ZC3H3: variants seen among roughly 807,000 people sequenced by gnomAD.
The protein encoded by ZC3H3 is zinc finger CCCH-type containing 3, also known as zinc finger CCCH domain-containing protein 3.
Under a neutral mutation model 77.3 loss-of-function variants are expected in ZC3H3, and 36 were observed. The observed-to-expected ratio is 0.47, with a 90% CI of 0.36 to 0.61. ZC3H3 has a LOEUF of 0.61. Ranked by LOEUF, ZC3H3 falls within the 20% of genes least tolerant of loss-of-function variation. ZC3H3 has a pLI of 0.00. For missense variants in ZC3H3, 1,331 were observed against 1,312.2 expected, an observed-to-expected ratio of 1.01 and a Z score of -0.22; for synonymous variants, 626 against 555.2, an observed-to-expected ratio of 1.13 and a Z score of -1.79.
intron 4 of ZC3H3, among the ~76,000 whole-genome samples, chr8:143,479,192 C>T (rs1586906634): frequency 6.6e-6 from 1 of 152,350 alleles, no homozygotes; most frequent in South Asian, 2.1e-4. Flanking sequence ...GGGTTGCCCT[C>T]ACCCCTGCCC....
chr8:143,491,655 T>G (rs2129968555), intron 4 of ZC3H3, among the ~76,000 whole-genome samples: 1 of 152,354 alleles, frequency 6.6e-6, no homozygotes, highest in East Asian at 1.9e-4. Context: ...CCCCCTGTCC[T>G]GGACTCACGG....
At chr8:143,502,586 A>C (rs1307189639) in intron 4 of ZC3H3, among the ~76,000 whole-genome samples, 2 of 152,260 alleles carry the variant, frequency 1.3e-5, no homozygotes, top group African/African-American at 4.8e-5. Context: ...CAGATGGAAA[A>C]GCCTCCGATT....
At position 143,494,848 on chromosome 8, in the gene ZC3H3, C is replaced by A. The variant is rs777761047; in HGVS notation, c.1715+12898G>T. ...CCAACGGGCAAACGGCCTGAGCAGA[C>A]CTTTCACACGGGAAGACCACCAGTG... On this transcript the variant is annotated intron_variant, in intron 4 of 11. Coordinates refer to ENST00000262577, the MANE Select transcript of ZC3H3 (RefSeq NM_015117.3). The surrounding 1 kb of genome is among the most constrained non-coding windows in gnomAD (Gnocchi z 5.3). 7.9e-5 allele frequency among the ~76,000 whole-genome samples: 12 copies of A among 152,210 alleles called. No homozygotes were observed. Among genetic ancestry groups the A allele is most frequent in the Non-Finnish European group, 1.2e-4 (8 of 68,040 alleles).
At chr8:143,454,853 T>C (rs1820073609) in intron 9 of ZC3H3, among the ~76,000 whole-genome samples, 1 of 152,186 alleles carries the variant, frequency 6.6e-6, no homozygotes. Flanking sequence ...TTAGTAGCTG[T>C]CTCCCTCATC....
At chr8:143,478,972 C>T (rs931144015) in intron 4 of ZC3H3, among the ~76,000 whole-genome samples, 14 of 152,202 alleles carry the variant, frequency 9.2e-5, no homozygotes, top group East Asian at 1.9e-4. Context: ...CCGGGATCTG[C>T]GCCCGCTCTT....
rs1292387004 is a variant in ZC3H3 at position 143,538,816 on chromosome 8, C to G, written c.551G>C (p.Ser184Thr). The G allele has an allele frequency of 6.2e-7, 1 of 1,612,258 alleles. No individual in the cohort carries two copies. Among genetic ancestry groups the G allele is most frequent in the Non-Finnish European group, 8.5e-7 (1 of 1,179,756 alleles). ...SRPTRARGTC[S>T]VEDPLLVCQK... ...GCAGACCAGAAGAGGATCTTCCACA[C>G]TGCAGGTCCCCCTGGCTCTTGTTGG... Residue 184 changes from serine (S) to threonine (T), a missense_variant, in exon 2 of 12, where the codon AGT becomes ACT. Physicochemically the swap from Ser to Thr is moderately conservative, Grantham distance 58. This residue lies in a region of ZC3H3 where 978 missense variants were observed against 915.5 expected (regional missense o/e 1.07). Transcript: ENST00000262577.
At chr8:143,471,431 T>C (rs555470379) in intron 5 of ZC3H3, among the ~76,000 whole-genome samples, 1 of 152,222 alleles carries the variant, frequency 6.6e-6, no homozygotes, top group Non-Finnish European at 1.5e-5. Context: ...ACGCAGCAGC[T>C]GGCCCACAGC....
In ZC3H3 at chr8:143,493,278, G is replaced by C. The variant is rs1821256709; in HGVS notation, c.1715+14468C>G. 6.6e-6 allele frequency among the ~76,000 whole-genome samples: 1 copy of C among 152,226 alleles called. No homozygotes were observed. The highest frequency in any genetic ancestry group is 1.5e-5 in the Non-Finnish European group (1 of 68,036). ...CTGCCCTGCCTGCCAGCAAGGGCTG[G>C]GGTCTAAGATCTCCAGGAAAAAGTC... On this transcript the variant is annotated intron_variant, in intron 4 of 11. Coordinates refer to ENST00000262577, the MANE Select transcript of ZC3H3 (RefSeq NM_015117.3). This position sits in a 1 kb window ranked among gnomAD's most constrained non-coding sequence, Gnocchi z 4.8.
chr8:143,495,320 T>C (rs1821317010), intron 4 of ZC3H3, among the ~76,000 whole-genome samples: 1 of 152,288 alleles, frequency 6.6e-6, no homozygotes, highest in Admixed American at 6.5e-5. Flanking sequence ...AACATCTGAC[T>C]CCATTGACAG....
intron 5 of ZC3H3, among the ~76,000 whole-genome samples, chr8:143,474,719 T>TC (rs1820678092): frequency 6.6e-6 from 1 of 151,994 alleles, no homozygotes; most frequent in Admixed American, 6.5e-5. Flanking sequence ...GCAATCTCCC[T>TC]CTTTTTTTTT....
At chr8:143,515,154 T>C (rs1308391421) in intron 3 of ZC3H3, among the ~76,000 whole-genome samples, 3 of 152,134 alleles carry the variant, frequency 2.0e-5, no homozygotes, top group Admixed American at 1.3e-4. Context: ...GGCTCCCGCC[T>C]CGCTCCCCGA....
At chr8:143,477,761 C>A (rs1263314802) in intron 4 of ZC3H3, among the ~76,000 whole-genome samples, 1 of 152,218 alleles carries the variant, frequency 6.6e-6, no homozygotes, top group Non-Finnish European at 1.5e-5. Context: ...GGGCCCTGCA[C>A]CAGCCCCACA....
At chr8:143,510,336 A>C (rs1398589241) in intron 3 of ZC3H3, among the ~76,000 whole-genome samples, 1 of 152,184 alleles carries the variant, frequency 6.6e-6, no homozygotes, top group Non-Finnish European at 1.5e-5. Context: ...TCCAGCCTGC[A>C]ACCCACCCCC....
chr8:143,534,769 A>G (rs561073692), intron 3 of ZC3H3, among the ~76,000 whole-genome samples: 8 of 152,242 alleles, frequency 5.3e-5, no homozygotes, highest in Admixed American at 3.9e-4. Context: ...CAGGGACCGC[A>G]TGGGTCTCTG....
Position 143,530,254 on chromosome 8 carries a change from C to T in ZC3H3, c.1561+6003G>A, listed in dbSNP as rs1478813052. Among the ~76,000 whole-genome samples, 8 of 152,148 alleles carry T rather than the reference C, an allele frequency of 5.3e-5. No homozygotes were observed. The East Asian group carries it at 1.5e-3, about 29-fold the overall frequency. ...CAGGCCCGCACCCTCCACCAGCACA[C>T]TGGCGACAAGTCTGGGAAGGCGGCT... On this transcript the variant is annotated intron_variant, in intron 3 of 11. Coordinates refer to ENST00000262577, the MANE Select transcript of ZC3H3 (RefSeq NM_015117.3). This position sits in a 1 kb window ranked among gnomAD's most constrained non-coding sequence, Gnocchi z 4.3.
intron 3 of ZC3H3, among the ~76,000 whole-genome samples, chr8:143,518,438 T>C (rs1034817751): frequency 7.9e-5 from 12 of 152,238 alleles, no homozygotes; most frequent in African/African-American, 2.9e-4. Context: ...AAAGACTCTT[T>C]GGAGAGAGTC....
intron 3 of ZC3H3, among the ~76,000 whole-genome samples, chr8:143,528,519 C>T (rs569067688): frequency 1.2e-4 from 18 of 152,334 alleles, no homozygotes; most frequent in African/African-American, 3.1e-4. Context: ...CAGGAGGTTA[C>T]GGCGAGGATG....
chr8:143,538,402 C>G lies in ZC3H3; in HGVS notation c.965G>C (p.Arg322Pro). ...GGGACTGAGGGCCCTCCGAGCAACC[C>G]GGGGACTCTTCGAGGAGGCAGCCAC... ...KWVAASSKSP[R>P]VARRALSPRV... The change falls in exon 2 of 12, where the codon CGG (arginine) becomes CCG (proline). Residue 322 changes from arginine to proline, a missense_variant. Arg to Pro is a moderately radical substitution (Grantham distance 103). Around this residue, in one of 3 missense-constraint regions of ZC3H3, gnomAD observed 978 missense variants for 915.5 expected, o/e 1.07. Coordinates refer to ENST00000262577, the MANE Select transcript of ZC3H3 (RefSeq NM_015117.3). 1.9e-6 allele frequency: 3 copies of G among 1,613,256 alleles called. No homozygotes were observed. Among genetic ancestry groups the G allele is most frequent in the Non-Finnish European group, 1.7e-6 (2 of 1,180,036 alleles).
At chr8:143,453,261 T>C (rs1035659797) in intron 9 of ZC3H3, among the ~76,000 whole-genome samples, 8 of 21,452 alleles carry the variant, frequency 3.7e-4, no homozygotes, top group African/African-American at 1.7e-3. Context: ...TTTTTTTGTT[T>C]TTTTTTTTAA....
Sources: allele counts gnomAD v4.1 joint callset (sites outside exome capture counted in the v4.1 genomes callset), GRCh38; gene constraint gnomAD v4.1.1; regional missense constraint gnomAD v4.1.1; non-coding constraint Gnocchi (gnomAD v3.1); transcripts MANE v1.5; gene names NCBI Gene and HGNC (gene_info 2026-07-23, HGNC 2026-07-21).